The following TP63 variants were observed in gnomAD, a reference collection of about 807,000 sequenced individuals.
TP63 encodes the protein tumor protein p63.
Under a neutral mutation model 82.8 loss-of-function variants are expected in TP63, and 17 were observed. The ratio of observed to expected loss-of-function variants is 0.21; its 90% confidence interval spans 0.14 to 0.31. The LOEUF (loss-of-function observed/expected upper bound fraction) is 0.31. Ranked by LOEUF, TP63 falls within the 10% of genes least tolerant of loss-of-function variation. The probability of loss-of-function intolerance (pLI) is 1.00; values close to 1 mark genes in which losing one functional copy is unlikely to be tolerated. For missense variants in TP63, 648 were observed against 895.3 expected, an observed-to-expected ratio of 0.72 and a Z score of 3.52; for synonymous variants, 330 against 321.7, an observed-to-expected ratio of 1.03 and a Z score of -0.28.
intron 3 of TP63, among the ~76,000 whole-genome samples, chr3:189,750,264 A>T (rs2108520600): frequency 6.6e-6 from 1 of 152,330 alleles, no homozygotes; most frequent in East Asian, 1.9e-4. Context: ...AGCTTAAAAA[A>T]TTTATCTCAT....
intron 11 of TP63, 90 bp downstream of exon 11, chr3:189,886,641 A>G: frequency 6.4e-7 from 1 of 1,564,096 alleles, no homozygotes. Context: ...TTCTTAAGCT[A>G]AATGAGAGAC....
chr3:189,733,207 A>G (rs1720302193), intron 1 of TP63, among the ~76,000 whole-genome samples: 2 of 152,216 alleles, frequency 1.3e-5, no homozygotes, highest in South Asian at 4.1e-4. Flanking sequence ...AGAACTTACT[A>G]TGTGGAAATA....
At chr3:189,762,193 TA>T (rs1456526603) in intron 3 of TP63, among the ~76,000 whole-genome samples, 2 of 152,226 alleles carry the variant, frequency 1.3e-5, no homozygotes, top group African/African-American at 4.8e-5. Flanking sequence ...AGAGATTCTT[TA>T]CAGATGCAAA....
chr3:189,865,044 C>T (rs917468354), intron 5 of TP63, among the ~76,000 whole-genome samples: 6 of 151,888 alleles, frequency 4.0e-5, no homozygotes, highest in African/African-American at 7.3e-5. Flanking sequence ...TAAGAGGGTG[C>T]CAGGAGACTA....
At chr3:189,613,206 A>G in the TP63 span, among the ~76,000 whole-genome samples, 1 of 151,676 alleles carries the variant, frequency 6.6e-6, no homozygotes, top group Non-Finnish European at 1.5e-5. Flanking sequence ...CCAGGAGGAA[A>G]AAGTGGTTTC....
chr3:189,627,219 A>G (rs747424928), upstream of TP63, among the ~76,000 whole-genome samples: 1 of 152,214 alleles, frequency 6.6e-6, no homozygotes, highest in Non-Finnish European at 1.5e-5. Flanking sequence ...ACCAAGAACA[A>G]GTTCTGGGAT....
chr3:189,860,296 T>C (rs1292892493), intron 4 of TP63, among the ~76,000 whole-genome samples: 1 of 152,156 alleles, frequency 6.6e-6, no homozygotes, highest in African/African-American at 2.4e-5. Flanking sequence ...CTGACTTGAA[T>C]CATCAGGGTA....
At chr3:189,749,302 A>G (rs912071546) in intron 3 of TP63, among the ~76,000 whole-genome samples, 2 of 152,196 alleles carry the variant, frequency 1.3e-5, no homozygotes, top group African/African-American at 4.8e-5. Context: ...ACATGGGACT[A>G]ATATCCAGAA....
chr3:189,737,943 T>G, intron 2 of TP63, 75 bp downstream of exon 2: 2 of 1,570,276 alleles, frequency 1.3e-6, no homozygotes, highest in Non-Finnish European at 1.7e-6. Flanking sequence ...TATTGCTTAC[T>G]AGGGCATGTT....
At chr3:189,759,980 T>C (rs1577362655) in intron 3 of TP63, among the ~76,000 whole-genome samples, 1 of 152,310 alleles carries the variant, frequency 6.6e-6, no homozygotes, top group East Asian at 1.9e-4. Flanking sequence ...GAAACTCCTG[T>C]TTTTAAAACC....
chr3:189,865,250 A>C (rs958782963), intron 5 of TP63, among the ~76,000 whole-genome samples: 13 of 152,200 alleles, frequency 8.5e-5, no homozygotes, highest in African/African-American at 2.9e-4. Flanking sequence ...AGGGGAATAA[A>C]TAGAAGGCCT....
chr3:189,712,781 G>A (rs1393035987), intron 1 of TP63, among the ~76,000 whole-genome samples: 1 of 152,118 alleles, frequency 6.6e-6, no homozygotes, highest in African/African-American at 2.4e-5. Context: ...AAAGAGAAAG[G>A]TTATAAAATG....
At chr3:189,828,946 T>C (rs146437315) in intron 4 of TP63, among the ~76,000 whole-genome samples, 156 of 152,346 alleles carry the variant, frequency 1.0e-3, no homozygotes, top group African/African-American at 3.3e-3. Context: ...GCAGTACCAT[T>C]TTACAAAATC....
chr3:189,885,866 T>G (rs993583415), intron 10 of TP63, among the ~76,000 whole-genome samples: 27 of 152,236 alleles, frequency 1.8e-4, no homozygotes, highest in African/African-American at 6.0e-4. Flanking sequence ...TAGGGGCCTC[T>G]GCATGACAGC....
At chr3:189,713,823 CAATA>C (rs1040953058) in intron 1 of TP63, among the ~76,000 whole-genome samples, 8 of 151,708 alleles carry the variant, frequency 5.3e-5, no homozygotes, top group Non-Finnish European at 4.4e-5. Flanking sequence ...AATATTATTT[CAATA>C]AATAAGTCCA....
At chr3:189,748,267 CTGA>C (rs1721525194) in intron 3 of TP63, among the ~76,000 whole-genome samples, 1 of 151,768 alleles carries the variant, frequency 6.6e-6, no homozygotes, top group African/African-American at 2.4e-5. Context: ...TTTGTCTTTG[CTGA>C]TGATGTATCT....
intron 4 of TP63, among the ~76,000 whole-genome samples, chr3:189,863,352 T>C (rs1717275717): frequency 1.3e-5 from 2 of 152,196 alleles, no homozygotes; most frequent in Admixed American, 1.3e-4. Flanking sequence ...AGGATTAGAA[T>C]GAAGGTTCTC....
intron 3 of TP63, among the ~76,000 whole-genome samples, chr3:189,772,800 C>G (rs1723475963): frequency 1.3e-5 from 2 of 152,164 alleles, no homozygotes; most frequent in South Asian, 4.1e-4. Context: ...CAAATCCCCC[C>G]TTTGTAGTGA....
intron 4 of TP63, among the ~76,000 whole-genome samples, chr3:189,817,088 G>C (rs572521034): frequency 6.6e-6 from 1 of 151,778 alleles, no homozygotes; most frequent in Non-Finnish European, 1.5e-5. Context: ...ATTGCTAATT[G>C]TGTTAGTACC....
Sources: gnomAD v4.1 joint callset for allele counts (sites outside exome capture counted in the v4.1 genomes callset) on GRCh38, gnomAD v4.1.1 for gene constraint, MANE v1.5 for transcripts, NCBI Gene and HGNC (gene_info 2026-07-23, HGNC 2026-07-21) for gene names.